The following HERC3 variants were observed in gnomAD, a reference collection of about 807,000 sequenced individuals.
HERC3 encodes the protein HECT and RLD domain containing E3 ubiquitin protein ligase 3, also known as probable E3 ubiquitin-protein ligase HERC3.
A neutral mutation model predicts 129.9 loss-of-function variants in HERC3; 58 were observed. That is an observed-to-expected ratio of 0.45 (90% CI 0.36 to 0.56). HERC3 has a LOEUF of 0.56. HERC3 is among the 20% of genes least tolerant of loss of function. The probability of loss-of-function intolerance (pLI) is 0.00; values close to 1 mark genes in which losing one functional copy is unlikely to be tolerated. For missense variants in HERC3, 835 were observed against 1,244.2 expected (o/e 0.67, Z 4.95); for synonymous variants, 430 against 451.0 (o/e 0.95, Z 0.59).
intron 23 of HERC3, among the ~76,000 whole-genome samples, chr4:88,698,654 T>C (rs1734937026): frequency 6.7e-6 from 1 of 149,632 alleles, no homozygotes; most frequent in African/African-American, 2.5e-5. Flanking sequence ...CCCACCCCGC[T>C]CACATTCGTC....
chr4:88,560,613 G>A, the HERC3 span, among the ~76,000 whole-genome samples: 1 of 152,008 alleles, frequency 6.6e-6, no homozygotes, highest in South Asian at 2.1e-4. Context: ...ATTTAGTATT[G>A]CTTTTGTTGC....
At position 88,595,074 on chromosome 4, in the gene HERC3, C is replaced by G. The variant is rs577699860; in HGVS notation, c.-87-483C>G. Reference sequence around the variant, plus strand: ...CCGAGATCGGCCACTGCACTCCAGCCTGGGTGAAAGAGCCAGACTCTGTCT... The same window carrying G: ...CCGAGATCGGCCACTGCACTCCAGCGTGGGTGAAAGAGCCAGACTCTGTCT... On this transcript the variant is annotated intron_variant, in intron 1 of 25. Coordinates refer to ENST00000402738, the MANE Select transcript of HERC3 (RefSeq NM_014606.3). Among the ~76,000 whole-genome samples the G allele has an allele frequency of 1.5e-3, 187 of 123,200 alleles. 2 individuals carry two copies. The highest frequency in any genetic ancestry group is 5.4e-3 in the African/African-American group (176 of 32,772). The allele number at this position is 123,200 out of a possible 152,430, so 80.8% of individuals were successfully genotyped here. A position where few individuals can be genotyped will look rare whatever the true frequency, so the allele number is the denominator to read the frequency against.
Position 88,655,304 on chromosome 4 carries a change from G to C in HERC3, c.908G>C (p.Arg303Thr). The change falls in exon 8 of 26, where the codon AGA becomes ACA. Residue 303 changes from arginine to threonine, a missense_variant and splice_region_variant. Arg to Thr is a moderately conservative substitution (Grantham distance 71). Coordinates refer to ENST00000402738, the MANE Select transcript of HERC3 (RefSeq NM_014606.3). ...GSEVTQIACG[R>T]QHTLAFVPSS... Reference sequence around the variant, plus strand: ...GAAGTAACTCAAATTGCTTGTGGCAGGTGAGTGTTCCTCAAAGCTTGCTTG... The same window carrying C: ...GAAGTAACTCAAATTGCTTGTGGCACGTGAGTGTTCCTCAAAGCTTGCTTG... 1 of 1,613,276 alleles carries C rather than the reference G, an allele frequency of 6.2e-7. No homozygotes were observed. Among genetic ancestry groups the C allele is most frequent in the Non-Finnish European group, 8.5e-7 (1 of 1,179,452 alleles).
intron 11 of HERC3, among the ~76,000 whole-genome samples, chr4:88,662,882 T>C (rs1358819540): frequency 6.6e-6 from 1 of 152,160 alleles, no homozygotes; most frequent in Non-Finnish European, 1.5e-5. Context: ...CCATGGGTTT[T>C]AGTGTATGCA....
At chr4:88,662,620 G>T in intron 11 of HERC3, 65 bp downstream of exon 11, 1 of 1,510,758 alleles carries the variant, frequency 6.6e-7, no homozygotes, top group Admixed American at 2.0e-5. Flanking sequence ...AGCTTAGTGT[G>T]ATTTTCCGTA....
At chr4:88,602,129 C>T (rs536046922) in intron 2 of HERC3, among the ~76,000 whole-genome samples, 16 of 149,822 alleles carry the variant, frequency 1.1e-4, no homozygotes, top group African/African-American at 3.9e-4. Context: ...GGCTGGGCTC[C>T]GTGGCTCACA....
At chr4:88,649,631 A>G (rs1578240495) in intron 3 of HERC3, among the ~76,000 whole-genome samples, 1 of 152,256 alleles carries the variant, frequency 6.6e-6, no homozygotes. Context: ...AGTATATACT[A>G]TAGTATATCT....
At chr4:88,672,822 A>G (rs1019591522) in intron 16 of HERC3, among the ~76,000 whole-genome samples, 2 of 152,244 alleles carry the variant, frequency 1.3e-5, no homozygotes, top group African/African-American at 4.8e-5. Flanking sequence ...ATAAGCCCTC[A>G]ATAAATATTT....
At chr4:88,581,598 G>T in the HERC3 span, among the ~76,000 whole-genome samples, 2 of 151,482 alleles carry the variant, frequency 1.3e-5, no homozygotes. Context: ...GTGCCAATGT[G>T]CCCGGCCCTC....
chr4:88,583,508 T>C, the HERC3 span, among the ~76,000 whole-genome samples: 1 of 152,098 alleles, frequency 6.6e-6, no homozygotes, highest in African/African-American at 2.4e-5. Flanking sequence ...TGATAAATTA[T>C]GGAGTACCTG....
chr4:88,611,670 G>C (rs1384550796), intron 3 of HERC3, among the ~76,000 whole-genome samples: 1 of 152,178 alleles, frequency 6.6e-6, no homozygotes, highest in Non-Finnish European at 1.5e-5. Context: ...AACTCCAAGT[G>C]GCTTACAGAG....
chr4:88,639,231 G>GA (rs1484879789), intron 3 of HERC3, among the ~76,000 whole-genome samples: 2 of 152,080 alleles, frequency 1.3e-5, no homozygotes, highest in Admixed American at 1.3e-4. Flanking sequence ...CACAGATTTA[G>GA]AAAAAACTGC....
the HERC3 span, among the ~76,000 whole-genome samples, chr4:88,530,252 T>C: frequency 4.6e-5 from 7 of 151,402 alleles, no homozygotes; most frequent in East Asian, 1.2e-3. Context: ...ATCGTGCCAC[T>C]GCACTCCAGC....
intron 2 of HERC3, among the ~76,000 whole-genome samples, chr4:88,604,081 C>T (rs1281718458): frequency 2.6e-5 from 4 of 151,596 alleles, no homozygotes; most frequent in East Asian, 1.9e-4. Context: ...AGTGCAATGG[C>T]GTGACCTCAG....
upstream of HERC3, among the ~76,000 whole-genome samples, chr4:88,589,112 T>C (rs1721599972): frequency 6.6e-6 from 1 of 151,986 alleles, no homozygotes; most frequent in South Asian, 2.1e-4. Context: ...GTGTGTGTAT[T>C]TGGAGTCTCC....
At chr4:88,550,352 T>C in the HERC3 span, among the ~76,000 whole-genome samples, 1 of 152,232 alleles carries the variant, frequency 6.6e-6, no homozygotes, top group African/African-American at 2.4e-5. Context: ...CTGTCCCTGT[T>C]TGCAGACGAC....
the HERC3 span, among the ~76,000 whole-genome samples, chr4:88,567,222 C>A: frequency 1.3e-5 from 2 of 152,080 alleles, no homozygotes; most frequent in Non-Finnish European, 2.9e-5. Flanking sequence ...AGGATCCTTT[C>A]TTTATCCTTG....
chr4:88,626,088 G>A (rs1028303951), intron 3 of HERC3, among the ~76,000 whole-genome samples: 1 of 152,146 alleles, frequency 6.6e-6, no homozygotes, highest in Non-Finnish European at 1.5e-5. Context: ...CAGTTTTCTT[G>A]TAGTGTCTTT....
chr4:88,560,179 C>T, the HERC3 span, among the ~76,000 whole-genome samples: 2 of 152,014 alleles, frequency 1.3e-5, no homozygotes, highest in East Asian at 1.9e-4. Context: ...AGGCTGGTCT[C>T]GAACTCCTGA....
Sources: allele counts gnomAD v4.1 joint callset (sites outside exome capture counted in the v4.1 genomes callset), GRCh38; gene constraint gnomAD v4.1.1; transcripts MANE v1.5; gene names NCBI Gene and HGNC (gene_info 2026-07-23, HGNC 2026-07-21).